ACER3: variants seen among roughly 807,000 people sequenced by gnomAD.
ACER3 encodes the protein alkaline ceramidase 3.
A neutral mutation model predicts 48.9 loss-of-function variants in ACER3; 16 were observed. The ratio of observed to expected loss-of-function variants is 0.33; its 90% confidence interval spans 0.22 to 0.50. The LOEUF (loss-of-function observed/expected upper bound fraction) is 0.50, where lower values mean the gene tolerates loss of function less well. ACER3 is among the 20% of genes least tolerant of loss of function. ACER3 has a pLI of 0.98. For missense variants in ACER3, 227 were observed against 326.0 expected (o/e 0.70, Z 2.34); for synonymous variants, 109 against 107.8 (o/e 1.01, Z -0.07).
intron 3 of ACER3, among the ~76,000 whole-genome samples, chr11:76,960,992 G>A (rs1947978863): frequency 6.6e-6 from 1 of 152,116 alleles, no homozygotes; most frequent in Non-Finnish European, 1.5e-5. Context: ...GTGGCCCAGT[G>A]CAGGATCTGA....
At chr11:76,921,730 T>G (rs1052936608) in intron 1 of ACER3, among the ~76,000 whole-genome samples, 1 of 152,170 alleles carries the variant, frequency 6.6e-6, no homozygotes, top group South Asian at 2.1e-4. Context: ...ATTAGTATTA[T>G]GTCTTATATG....
rs1443994904 is a variant in ACER3 at position 76,865,629 on chromosome 11, C to T, written c.103+4550C>T. 2.6e-5 allele frequency among the ~76,000 whole-genome samples: 4 copies of T among 151,734 alleles called. No individual in the cohort carries two copies. The East Asian group carries it at 5.8e-4, about 22-fold the overall frequency. Reference sequence around the variant, plus strand: ...GTTCAAGCAATTCTCGTGCCTCAGCCACCCACATAACTGGGATTACAGGAG... The same window carrying T: ...GTTCAAGCAATTCTCGTGCCTCAGCTACCCACATAACTGGGATTACAGGAG... On this transcript the variant is annotated intron_variant, in intron 1 of 10. Coordinates refer to ENST00000532485, the MANE Select transcript of ACER3 (RefSeq NM_018367.7).
At chr11:76,867,832 T>C (rs1253959949) in intron 1 of ACER3, among the ~76,000 whole-genome samples, 1 of 152,182 alleles carries the variant, frequency 6.6e-6, no homozygotes, top group African/African-American at 2.4e-5. Flanking sequence ...CTTTTGTCCA[T>C]GAGTGAGAAT....
At chr11:76,978,340 C>G (rs1296304093) in intron 4 of ACER3, 1 of 152,322 alleles carries the variant, frequency 6.6e-6, no homozygotes, top group Non-Finnish European at 1.5e-5. Context: ...CACTTCCTCC[C>G]TCCCGAGCCC....
chr11:76,941,494 T>TTA lies in ACER3; in HGVS notation c.214+14829_214+14830dup, dbSNP rs547037787. Among the ~76,000 whole-genome samples, 63 of 150,258 alleles carry TTA rather than the reference T, an allele frequency of 4.2e-4. 1 individual carries two copies. The East Asian group carries it at 0.012, about 28-fold the overall frequency. On this transcript the variant is annotated intron_variant, in intron 2 of 10. Coordinates refer to ENST00000532485, the MANE Select transcript of ACER3 (RefSeq NM_018367.7). ...AATTTTAATTTTTTATTTTTATTTA[T>TTA]TATTATTTTTTGAGACAGAGTCTTG...
intron 7 of ACER3, among the ~76,000 whole-genome samples, chr11:77,014,283 G>A (rs782593219): frequency 1.6e-4 from 24 of 152,022 alleles, no homozygotes; most frequent in Non-Finnish European, 2.6e-4. Flanking sequence ...GTGTGCATGC[G>A]CACCCATCCA....
chr11:76,932,263 A>G (rs1032934539), intron 2 of ACER3, among the ~76,000 whole-genome samples: 2 of 151,990 alleles, frequency 1.3e-5, no homozygotes, highest in African/African-American at 4.8e-5. Context: ...TTTATTTTTT[A>G]TAACTCTCTA....
chr11:76,935,435 A>G (rs1947152983), intron 2 of ACER3, among the ~76,000 whole-genome samples: 1 of 152,216 alleles, frequency 6.6e-6, no homozygotes, highest in Non-Finnish European at 1.5e-5. Context: ...ATTTTGAGAT[A>G]GAGCCTAGTA....
intron 8 of ACER3, among the ~76,000 whole-genome samples, chr11:77,016,371 AT>A (rs1248620737): frequency 1.3e-5 from 2 of 152,158 alleles, no homozygotes; most frequent in African/African-American, 4.8e-5. Flanking sequence ...AGGTTTTCAT[AT>A]TTTAGAAATA....
chr11:76,873,213 G>A (rs546214850), intron 1 of ACER3, among the ~76,000 whole-genome samples: 6 of 152,100 alleles, frequency 3.9e-5, no homozygotes, highest in Non-Finnish European at 7.4e-5. Context: ...GGCTGAGTCT[G>A]CATTTCTTAA....
chr11:77,025,071 A>G lies in ACER3; in HGVS notation c.*4744A>G, dbSNP rs1205812044. On this transcript the variant is annotated 3_prime_UTR_variant, in exon 11 of 11. Transcript: ENST00000532485. ...AACTGAATTTAGTCATTGGTAACTT[A>G]AATATTCACAAAATTGTCATAAAGC... 6.6e-6 allele frequency: 1 copy of G among 152,214 alleles called. No individual in the cohort carries two copies. Among genetic ancestry groups the G allele is most frequent in the East Asian group, 1.9e-4 (1 of 5,204 alleles). 9.4% of individuals were successfully genotyped at this position (152,214 alleles called of 1,614,324 possible). A position where few individuals can be genotyped will look rare whatever the true frequency, so the allele number is the denominator to read the frequency against.
At chr11:77,016,636 T>G (rs1276960514) in intron 8 of ACER3, 39 bp from the exon 9 acceptor site, 1 of 1,133,086 alleles carries the variant, frequency 8.8e-7, no homozygotes, top group Non-Finnish European at 1.3e-6. Flanking sequence ...GCTAAATATT[T>G]TAAAAATTTA....
rs189550944 is a variant in ACER3, at chr11:77,026,553, G to A, written c.*6226G>A. The A allele has an allele frequency of 4.6e-5, 7 of 152,258 alleles. No homozygotes were observed. In the East Asian group the frequency reaches 1.4e-3, roughly 29 times the overall value. The allele number at this position is 152,258 out of a possible 1,614,324, so 9.4% of individuals were successfully genotyped here. ...AACTTCATAGTTGTCGCAGATGTTT[G>A]TTCTAGTAGCGATTATTTAATAAAC... On this transcript the variant is annotated 3_prime_UTR_variant, in exon 11 of 11. Transcript: ENST00000532485.
intron 1 of ACER3, among the ~76,000 whole-genome samples, chr11:76,886,516 GA>G (rs1435784056): frequency 1.3e-5 from 2 of 152,192 alleles, no homozygotes; most frequent in African/African-American, 4.8e-5. Flanking sequence ...TTATATGATT[GA>G]AAAGGAAGAT....
At chr11:76,995,755 A>G (rs964514617) in intron 6 of ACER3, among the ~76,000 whole-genome samples, 1 of 152,118 alleles carries the variant, frequency 6.6e-6, no homozygotes. Context: ...CATCAAAAGT[A>G]TGGGGTAGGT....
At chr11:76,955,401 CCATAGACTG>C (rs1300359171) in intron 2 of ACER3, 4 of 152,246 alleles carry the variant, frequency 2.6e-5, no homozygotes, top group Non-Finnish European at 5.9e-5. Context: ...TAACAAAATA[CCATAGACTG>C]GGTGGCTTAA....
chr11:77,020,450 C>A lies in ACER3; in HGVS notation c.*123C>A. On this transcript the variant is annotated 3_prime_UTR_variant, in exon 11 of 11. Transcript: ENST00000532485. ...ACCATCACAGCAGAGGAGTGACTTTCTGACTAATGCTGCCACCCACACAGA... is the reference window on the plus strand; with the variant it reads ...ACCATCACAGCAGAGGAGTGACTTTATGACTAATGCTGCCACCCACACAGA... 9.6e-7 allele frequency: 1 copy of A among 1,045,716 alleles called. No homozygotes were observed. The highest frequency in any genetic ancestry group is 1.4e-6 in the Non-Finnish European group (1 of 719,376). The allele number at this position is 1,045,716 out of a possible 1,614,324, so 64.8% of individuals were successfully genotyped here. A position where few individuals can be genotyped will look rare whatever the true frequency, so the allele number is the denominator to read the frequency against.
chr11:76,867,682 G>T (rs1463164881), intron 1 of ACER3, among the ~76,000 whole-genome samples: 2 of 152,042 alleles, frequency 1.3e-5, no homozygotes, highest in Non-Finnish European at 2.9e-5. Flanking sequence ...ATAAATAAAA[G>T]AAAGCTAAAA....
chr11:77,020,027 T>G (rs1217669063), intron 10 of ACER3, among the ~76,000 whole-genome samples: 11 of 152,188 alleles, frequency 7.2e-5, no homozygotes, highest in African/African-American at 2.7e-4. Flanking sequence ...CAGAGATAAT[T>G]TATATGCCCA....
Sources: allele counts gnomAD v4.1 joint callset (sites outside exome capture counted in the v4.1 genomes callset), GRCh38; gene constraint gnomAD v4.1.1; transcripts MANE v1.5; gene names NCBI Gene and HGNC (gene_info 2026-07-23, HGNC 2026-07-21).